The following CAMK1D variants were observed in gnomAD, a reference collection of about 807,000 sequenced individuals.
CAMK1D encodes the protein calcium/calmodulin-dependent protein kinase type 1D.
A neutral mutation model predicts 47.7 loss-of-function variants in CAMK1D; 9 were observed. The observed-to-expected ratio is 0.19, with a 90% CI of 0.11 to 0.33. CAMK1D has a LOEUF of 0.33. Ranked by LOEUF, CAMK1D falls within the 10% of genes least tolerant of loss-of-function variation. CAMK1D has a pLI of 1.00. For missense variants in CAMK1D, 291 were observed against 488.7 expected (o/e 0.60, Z 3.81); for synonymous variants, 184 against 184.9 (o/e 0.99, Z 0.04).
At chr10:12,802,854 G>A (rs905546861) in intron 6 of CAMK1D, among the ~76,000 whole-genome samples, 3 of 152,118 alleles carry the variant, frequency 2.0e-5, no homozygotes, top group Non-Finnish European at 4.4e-5. Context: ...ACGTGGCCTC[G>A]TCTCTGGCTC....
chr10:12,477,837 C>G (rs982410520), intron 1 of CAMK1D, among the ~76,000 whole-genome samples: 1 of 152,156 alleles, frequency 6.6e-6, no homozygotes, highest in Non-Finnish European at 1.5e-5. Context: ...TTCGTGACCT[C>G]TGCCATCGTT....
chr10:12,552,683 C>T (rs924831728), intron 1 of CAMK1D, among the ~76,000 whole-genome samples: 15 of 152,180 alleles, frequency 9.9e-5, no homozygotes, highest in East Asian at 5.8e-4. Context: ...CCTCCACATC[C>T]GCATGTCCCT....
At chr10:12,710,978 G>C (rs1006554402) in intron 3 of CAMK1D, among the ~76,000 whole-genome samples, 28 of 152,278 alleles carry the variant, frequency 1.8e-4, no homozygotes, top group African/African-American at 5.8e-4. Flanking sequence ...TTAAGGTTTT[G>C]AATGTATTGC....
chr10:12,826,939 TC>T (rs970783441), intron 10 of CAMK1D, among the ~76,000 whole-genome samples: 3 of 152,178 alleles, frequency 2.0e-5, no homozygotes, highest in African/African-American at 7.2e-5. Context: ...GCACACAGAC[TC>T]CCTGGGGGCC....
intron 6 of CAMK1D, among the ~76,000 whole-genome samples, chr10:12,792,958 GCGCA>G (rs775530081): frequency 1.4e-4 from 21 of 147,396 alleles, no homozygotes; most frequent in African/African-American, 5.5e-4. Context: ...ACATGTGTGC[GCGCA>G]CACACACACA....
At chr10:12,587,543 A>T (rs967859454) in intron 2 of CAMK1D, among the ~76,000 whole-genome samples, 13 of 66,522 alleles carry the variant, frequency 2.0e-4, no homozygotes. Flanking sequence ...GGGTCCAGAC[A>T]TCATTAAAAA....
At chr10:12,368,950 T>C (rs970058392) in intron 1 of CAMK1D, among the ~76,000 whole-genome samples, 11 of 152,230 alleles carry the variant, frequency 7.2e-5, no homozygotes, top group Non-Finnish European at 1.5e-4. Context: ...CCCGAGTAGC[T>C]GGGACTACAG....
intron 10 of CAMK1D, among the ~76,000 whole-genome samples, chr10:12,827,612 C>CCTCCTCTCTCCTCT (rs747388659): frequency 1.5e-5 from 1 of 67,700 alleles, no homozygotes; most frequent in African/African-American, 5.8e-5. Context: ...CTTCCCCTCC[C>CCTCCTCTCTCCTCT]CTCCTCTCTC....
At chr10:12,355,737 A>G (rs992908060) in intron 1 of CAMK1D, among the ~76,000 whole-genome samples, 1 of 152,216 alleles carries the variant, frequency 6.6e-6, no homozygotes, top group African/African-American at 2.4e-5. Context: ...GAGGCGTGAT[A>G]TAAATTCAGC....
chr10:12,525,103 A>G (rs1326918600), intron 1 of CAMK1D, among the ~76,000 whole-genome samples: 1 of 152,198 alleles, frequency 6.6e-6, no homozygotes, highest in African/African-American at 2.4e-5. Context: ...CATTCTCGTC[A>G]CATTTTCCTG....
At position 12,369,672 on chromosome 10, in the gene CAMK1D, A is replaced by G. The variant is rs547714312; in HGVS notation, c.92+19762A>G. On this transcript the variant is annotated intron_variant, in intron 1 of 10. Transcript: ENST00000619168. Reference sequence around the variant, plus strand: ...TTTAATAATATATTTAAATAGCATTATGTTGGCCAGGCGTGGCGGCTCACG... The same window carrying G: ...TTTAATAATATATTTAAATAGCATTGTGTTGGCCAGGCGTGGCGGCTCACG... Among the ~76,000 whole-genome samples, 137 of 152,248 alleles carry G rather than the reference A, an allele frequency of 9.0e-4. 1 individual carries two copies. The highest frequency in any genetic ancestry group is 1.7e-3 in the Non-Finnish European group (113 of 68,016).
intron 3 of CAMK1D, among the ~76,000 whole-genome samples, chr10:12,675,030 C>CAAA (rs771350871): frequency 4.7e-4 from 25 of 53,160 alleles, no homozygotes; most frequent in East Asian, 1.0e-3. Flanking sequence ...GACTCCATCT[C>CAAA]AAAAAAAAAA....
chr10:12,544,060 A>T (rs1262645427), intron 1 of CAMK1D, among the ~76,000 whole-genome samples: 1 of 152,212 alleles, frequency 6.6e-6, no homozygotes, highest in Admixed American at 6.5e-5. Context: ...CCTGGCTTAC[A>T]ATCAGGATGA....
intron 1 of CAMK1D, among the ~76,000 whole-genome samples, chr10:12,380,869 C>A (rs189678016): frequency 2.0e-3 from 309 of 152,124 alleles, no homozygotes; most frequent in South Asian, 3.3e-3. Flanking sequence ...AACAAACAAA[C>A]AAAAAAACAA....
At chr10:12,621,100 T>G (rs893179508) in intron 2 of CAMK1D, among the ~76,000 whole-genome samples, 1 of 152,244 alleles carries the variant, frequency 6.6e-6, no homozygotes, top group Admixed American at 6.5e-5. Context: ...TCATTTGGGC[T>G]TAGACATATG....
intron 2 of CAMK1D, among the ~76,000 whole-genome samples, chr10:12,593,366 G>T (rs1316208971): frequency 6.6e-6 from 1 of 152,182 alleles, no homozygotes; most frequent in Non-Finnish European, 1.5e-5. Context: ...AAGGCGGGTG[G>T]ATCACTTGAG....
At chr10:12,689,449 T>A (rs1006014927) in intron 3 of CAMK1D, among the ~76,000 whole-genome samples, 2 of 152,128 alleles carry the variant, frequency 1.3e-5, no homozygotes, top group Non-Finnish European at 2.9e-5. Context: ...AAAGTACCCG[T>A]GAAGTGGTTT....
At chr10:12,691,390 TATATATATATATAA>T (rs1305695601) in intron 3 of CAMK1D, among the ~76,000 whole-genome samples, 13 of 7,076 alleles carry the variant, frequency 1.8e-3, no homozygotes, top group Admixed American at 3.8e-3. Context: ...TATATATATA[TATATATATATATAA>T]ATATATATAT....
intron 2 of CAMK1D, among the ~76,000 whole-genome samples, chr10:12,630,123 T>G (rs1052731016): frequency 3.3e-5 from 5 of 152,166 alleles, no homozygotes; most frequent in African/African-American, 1.2e-4. Context: ...CATAAGGATG[T>G]AGGATACTAA....
Sources: gnomAD v4.1 joint callset for allele counts (sites outside exome capture counted in the v4.1 genomes callset) on GRCh38, gnomAD v4.1.1 for gene constraint, MANE v1.5 for transcripts, NCBI Gene and HGNC (gene_info 2026-07-23, HGNC 2026-07-21) for gene names.